The following GRM1 variants were observed in gnomAD, a reference collection of about 807,000 sequenced individuals.
GRM1 encodes the protein metabotropic glutamate receptor 1.
Under a neutral mutation model 90.9 loss-of-function variants are expected in GRM1, and 33 were observed. The ratio of observed to expected loss-of-function variants is 0.36; its 90% CI spans 0.28 to 0.49. GRM1 has a LOEUF of 0.49. Ranked by LOEUF, GRM1 falls within the 20% of genes least tolerant of loss-of-function variation. The pLI is 0.99. For synonymous variants in GRM1, 700 were observed against 613.2 expected (o/e 1.14, Z -2.09); for missense variants, 1,190 against 1,534.3 (o/e 0.78, Z 3.75).
intron 1 of GRM1, among the ~76,000 whole-genome samples, chr6:146,055,894 T>C (rs1252615520): frequency 1.3e-5 from 2 of 152,156 alleles, no homozygotes; most frequent in Non-Finnish European, 2.9e-5. Flanking sequence ...CATATGCTTA[T>C]TAAATAAAAA....
intron 1 of GRM1, among the ~76,000 whole-genome samples, chr6:146,154,287 G>C (rs1777442280): frequency 2.0e-5 from 3 of 152,212 alleles, no homozygotes; most frequent in Non-Finnish European, 4.4e-5. Flanking sequence ...GGGTCTGCTA[G>C]TGATGTCTAT....
intron 1 of GRM1, among the ~76,000 whole-genome samples, chr6:146,064,097 C>T (rs1775764492): frequency 6.6e-6 from 1 of 151,970 alleles, no homozygotes; most frequent in East Asian, 1.9e-4. Context: ...TAGTTTGCAA[C>T]AAAAAAATAG....
chr6:146,334,093 C>G (rs1784679309), intron 3 of GRM1, among the ~76,000 whole-genome samples: 2 of 152,154 alleles, frequency 1.3e-5, no homozygotes, highest in African/African-American at 4.8e-5. Flanking sequence ...CCTTTTCTTG[C>G]TGAACTTATT....
At chr6:146,344,471 A>G (rs1785099808) in intron 3 of GRM1, among the ~76,000 whole-genome samples, 1 of 152,102 alleles carries the variant, frequency 6.6e-6, no homozygotes, top group Non-Finnish European at 1.5e-5. Context: ...TTAAGTCTGG[A>G]CCCTGCATTT....
chr6:146,206,909 T>C (rs1361632442), intron 2 of GRM1, among the ~76,000 whole-genome samples: 2 of 152,188 alleles, frequency 1.3e-5, no homozygotes, highest in Non-Finnish European at 2.9e-5. Flanking sequence ...TGGTATTTGG[T>C]TTTCTGTTCC....
At chr6:146,038,259 A>C (rs1790964255) in intron 1 of GRM1, among the ~76,000 whole-genome samples, 1 of 151,954 alleles carries the variant, frequency 6.6e-6, no homozygotes, top group African/African-American at 2.4e-5. Flanking sequence ...TACCACAAGT[A>C]ACTAGAAGTG....
chr6:146,302,895 A>T (rs1328201446), intron 2 of GRM1, among the ~76,000 whole-genome samples: 1 of 151,864 alleles, frequency 6.6e-6, no homozygotes, highest in Non-Finnish European at 1.5e-5. Context: ...GAACGAAGGG[A>T]GGAAGGGAGG....
intron 5 of GRM1, among the ~76,000 whole-genome samples, chr6:146,371,246 C>T (rs1001048253): frequency 6.6e-6 from 1 of 152,076 alleles, no homozygotes; most frequent in Admixed American, 6.6e-5. Context: ...ATATGAAGTG[C>T]TATAGGGACA....
chr6:146,326,825 A>G (rs1784416879), intron 3 of GRM1, among the ~76,000 whole-genome samples: 1 of 152,188 alleles, frequency 6.6e-6, no homozygotes, highest in South Asian at 2.1e-4. Context: ...AAATATACTT[A>G]AGGCAATATA....
At chr6:146,027,820 C>T (rs1390381450), upstream of GRM1, 1 of 152,300 alleles carries the variant, frequency 6.6e-6, no homozygotes, top group African/African-American at 2.4e-5. Context: ...GTCCTCCAAA[C>T]AGACTCAGGT....
chr6:146,412,747 T>G (rs1047529857), intron 7 of GRM1, among the ~76,000 whole-genome samples: 15 of 152,100 alleles, frequency 9.9e-5, no homozygotes, highest in Non-Finnish European at 1.9e-4. Context: ...AGTCAGAATA[T>G]CTCATAAGTA....
intron 2 of GRM1, among the ~76,000 whole-genome samples, chr6:146,239,760 G>A (rs1473754596): frequency 6.6e-6 from 1 of 152,080 alleles, no homozygotes; most frequent in Admixed American, 6.6e-5. Flanking sequence ...TTAATCTAAT[G>A]GTTCTCATCA....
At chr6:146,175,857 G>A (rs915936634) in intron 2 of GRM1, among the ~76,000 whole-genome samples, 1 of 152,004 alleles carries the variant, frequency 6.6e-6, no homozygotes, top group Non-Finnish European at 1.5e-5. Flanking sequence ...AAATATATAG[G>A]TTGTATTTCA....
chr6:146,220,627 C>A (rs1780028339), intron 2 of GRM1, among the ~76,000 whole-genome samples: 1 of 151,866 alleles, frequency 6.6e-6, no homozygotes, highest in Admixed American at 6.6e-5. Context: ...TTCCTTTTTC[C>A]TTCCTCTTAC....
At chr6:146,421,793 T>C (rs1274028956) in intron 7 of GRM1, among the ~76,000 whole-genome samples, 1 of 152,234 alleles carries the variant, frequency 6.6e-6, no homozygotes, top group Admixed American at 6.5e-5. Context: ...AGTTTTAATA[T>C]ACATGCATGC....
chr6:146,152,753 G>C (rs1275333338), intron 1 of GRM1, among the ~76,000 whole-genome samples: 4 of 152,162 alleles, frequency 2.6e-5, no homozygotes, highest in Non-Finnish European at 5.9e-5. Flanking sequence ...AACTCTTAAA[G>C]GGCAGAGCAC....
At chr6:146,425,418 T>G (rs1778161036) in intron 7 of GRM1, among the ~76,000 whole-genome samples, 1 of 152,222 alleles carries the variant, frequency 6.6e-6, no homozygotes. Flanking sequence ...CTCTTTCTTC[T>G]GAGTTTTCAC....
At chr6:146,036,714 A>C (rs545895522) in intron 1 of GRM1, among the ~76,000 whole-genome samples, 3 of 151,928 alleles carry the variant, frequency 2.0e-5, no homozygotes, top group Non-Finnish European at 4.4e-5. Flanking sequence ...TAGCCAACAA[A>C]TTAAATATTC....
chr6:146,335,206 T>C (rs965533577), intron 3 of GRM1, among the ~76,000 whole-genome samples: 3 of 152,216 alleles, frequency 2.0e-5, no homozygotes, highest in Admixed American at 1.3e-4. Context: ...GCTTCAAAAC[T>C]TGGCTGTGGT....
Sources: allele counts gnomAD v4.1 joint callset (sites outside exome capture counted in the v4.1 genomes callset), GRCh38; gene constraint gnomAD v4.1.1; transcripts MANE v1.5; gene names NCBI Gene and HGNC (gene_info 2026-07-23, HGNC 2026-07-21).